FAM107B: variants seen among roughly 807,000 people sequenced by gnomAD.
The protein encoded by FAM107B is protein FAM107B.
In FAM107B, 21 loss-of-function variants were observed where a neutral mutation model predicts 31.5. The observed-to-expected ratio is 0.67, with a 90% CI of 0.47 to 0.96. The LOEUF (loss-of-function observed/expected upper bound fraction) is 0.96. Ranked by LOEUF, FAM107B falls within the 40% of genes least tolerant of loss-of-function variation. FAM107B has a pLI of 0.00. For missense variants in FAM107B, 452 were observed against 377.1 expected (o/e 1.20, Z -1.64); for synonymous variants, 157 against 141.5 (o/e 1.11, Z -0.78).
chr10:14,555,117 C>T (rs1329386701), intron 2 of FAM107B, among the ~76,000 whole-genome samples: 1 of 152,174 alleles, frequency 6.6e-6, no homozygotes, highest in South Asian at 2.1e-4. Flanking sequence ...ATTATAAAAA[C>T]TATCTTCCAA....
intron 1 of FAM107B, among the ~76,000 whole-genome samples, chr10:14,683,706 C>T (rs929931630): frequency 6.6e-6 from 1 of 152,208 alleles, no homozygotes; most frequent in Non-Finnish European, 1.5e-5. Flanking sequence ...AATCATGACT[C>T]TCCAGCTACT....
At chr10:14,542,254 A>T (rs1848282357) in intron 2 of FAM107B, among the ~76,000 whole-genome samples, 1 of 148,238 alleles carries the variant, frequency 6.7e-6, no homozygotes, top group South Asian at 2.2e-4. Context: ...TGGGCAATGC[A>T]GTGAGACTCC....
chr10:14,625,357 C>T (rs369965731), intron 2 of FAM107B, among the ~76,000 whole-genome samples: 4 of 152,072 alleles, frequency 2.6e-5, no homozygotes, highest in South Asian at 2.1e-4. Flanking sequence ...AGTCATCCTT[C>T]GTTTCATCTT....
At position 14,519,798 on chromosome 10, in the gene FAM107B, A is replaced by G. The variant is rs1307652934; in HGVS notation, c.*1392T>C. 1 of 152,332 alleles carries G rather than the reference A, an allele frequency of 6.6e-6. No individual in the cohort carries two copies. Among genetic ancestry groups the G allele is most frequent in the African/African-American group, 2.4e-5 (1 of 41,466 alleles). 9.4% of individuals were successfully genotyped at this position (152,332 alleles called of 1,614,324 possible). On this transcript the variant is annotated 3_prime_UTR_variant, in exon 5 of 5. Transcript: ENST00000181796. Reference sequence around the variant, plus strand: ...TATGAGAAGTCTCTCCAATGCAGAAATGACTGGCTGAACTGTCTCTACGGA... The same window carrying G: ...TATGAGAAGTCTCTCCAATGCAGAAGTGACTGGCTGAACTGTCTCTACGGA...
intron 1 of FAM107B, among the ~76,000 whole-genome samples, chr10:14,714,076 G>C (rs1417471411): frequency 2.0e-5 from 3 of 152,106 alleles, no homozygotes; most frequent in Non-Finnish European, 4.4e-5. Context: ...CTGCCTATCG[G>C]GTACTAGACT....
At chr10:14,666,445 CCCCATGATTAAATTACCT>C (rs1854405801) in intron 2 of FAM107B, among the ~76,000 whole-genome samples, 1 of 152,070 alleles carries the variant, frequency 6.6e-6, no homozygotes, top group Admixed American at 6.6e-5. Context: ...GGGTAACTGC[CCCCATGATTAAATTACCT>C]CCTACTGCGT....
At chr10:14,634,365 A>C (rs1033040001) in intron 2 of FAM107B, among the ~76,000 whole-genome samples, 1 of 149,772 alleles carries the variant, frequency 6.7e-6, no homozygotes, top group African/African-American at 2.5e-5. Flanking sequence ...ATGCCACTGC[A>C]CTCCAGCCTG....
chr10:14,522,023 C>T lies in FAM107B; in HGVS notation c.654-4G>A, dbSNP rs759124546. On this transcript the variant is annotated splice_polypyrimidine_tract_variant and splice_region_variant and intron_variant, in intron 3 of 4. Transcript: ENST00000181796. Reference sequence around the variant, plus strand: ...TTTGTTCTGAGGAGCAAGACCCCTGCGAAAGAGCATTAACAAAAATAGAAA... The same window carrying T: ...TTTGTTCTGAGGAGCAAGACCCCTGTGAAAGAGCATTAACAAAAATAGAAA... 1.3e-5 allele frequency: 21 copies of T among 1,600,494 alleles called. No individual in the cohort carries two copies. The highest frequency in any genetic ancestry group is 1.5e-5 in the Non-Finnish European group (18 of 1,176,846).
At chr10:14,713,577 A>C (rs1177109288) in intron 1 of FAM107B, among the ~76,000 whole-genome samples, 7 of 152,216 alleles carry the variant, frequency 4.6e-5, no homozygotes, top group African/African-American at 1.7e-4. Context: ...TGGAACAGAC[A>C]GTGTTAAGTG....
chr10:14,554,510 A>T (rs1437949817), intron 2 of FAM107B, among the ~76,000 whole-genome samples: 1 of 152,188 alleles, frequency 6.6e-6, no homozygotes, highest in Non-Finnish European at 1.5e-5. Context: ...CAGGAGAGGG[A>T]TGAAGGCTGG....
intron 1 of FAM107B, among the ~76,000 whole-genome samples, chr10:14,753,003 TG>T (rs1460744593): frequency 1.3e-5 from 2 of 152,028 alleles, no homozygotes; most frequent in African/African-American, 4.8e-5. Context: ...ATGCCAAGAC[TG>T]AGTAATTTTA....
At chr10:14,588,194 T>C (rs902440156) in intron 2 of FAM107B, among the ~76,000 whole-genome samples, 2 of 151,878 alleles carry the variant, frequency 1.3e-5, no homozygotes, top group Non-Finnish European at 1.5e-5. Context: ...GCAGGCAACA[T>C]GCTCCAGGCT....
intron 1 of FAM107B, among the ~76,000 whole-genome samples, chr10:14,754,065 A>G (rs1019613439): frequency 4.0e-5 from 6 of 150,608 alleles, no homozygotes; most frequent in Non-Finnish European, 7.4e-5. Flanking sequence ...CATCCTCCCT[A>G]GCAGCTGGGA....
intron 1 of FAM107B, among the ~76,000 whole-genome samples, chr10:14,674,972 A>G (rs1000603120): frequency 5.3e-5 from 8 of 152,144 alleles, no homozygotes; most frequent in Non-Finnish European, 1.0e-4. Context: ...GATTACAGGC[A>G]TGAGCCATTG....
intron 1 of FAM107B, among the ~76,000 whole-genome samples, chr10:14,773,320 C>G (rs1374434287): frequency 6.6e-6 from 1 of 152,154 alleles, no homozygotes; most frequent in South Asian, 2.1e-4. Flanking sequence ...TTCTGTGAAG[C>G]AAGCCAGACC....
intron 1 of FAM107B, among the ~76,000 whole-genome samples, chr10:14,677,803 T>C (rs1038590584): frequency 6.6e-6 from 1 of 152,206 alleles, no homozygotes; most frequent in African/African-American, 2.4e-5. Flanking sequence ...CGGGGGCAAG[T>C]TGGTCACCCT....
intron 1 of FAM107B, among the ~76,000 whole-genome samples, chr10:14,753,950 T>C (rs1042919050): frequency 6.6e-6 from 1 of 151,116 alleles, no homozygotes; most frequent in African/African-American, 2.4e-5. Flanking sequence ...TTCTTTTTTT[T>C]TTTTTTTTGA....
intron 2 of FAM107B, among the ~76,000 whole-genome samples, chr10:14,607,068 A>G (rs1346006498): frequency 6.6e-6 from 1 of 152,192 alleles, no homozygotes; most frequent in Non-Finnish European, 1.5e-5. Context: ...AACATCTGTG[A>G]TGCAAGGCCA....
At chr10:14,558,488 T>C (rs375847948) in intron 2 of FAM107B, among the ~76,000 whole-genome samples, 26 of 152,370 alleles carry the variant, frequency 1.7e-4, no homozygotes, top group East Asian at 1.3e-3. Context: ...TTTGAATTAT[T>C]ATACAGCCAA....
Sources: gnomAD v4.1 joint callset for allele counts (sites outside exome capture counted in the v4.1 genomes callset) on GRCh38, gnomAD v4.1.1 for gene constraint, MANE v1.5 for transcripts, NCBI Gene and HGNC (gene_info 2026-07-23, HGNC 2026-07-21) for gene names.